The following ZNF544 variants were observed in gnomAD, a reference collection of about 807,000 sequenced individuals.
ZNF544 encodes the protein zinc finger protein AF020591.
ZNF544 carries 10 observed loss-of-function variants against 13.5 expected under a neutral mutation model. The ratio of observed to expected loss-of-function variants is 0.74; its 90% CI spans 0.46 to 1.25. The LOEUF (loss-of-function observed/expected upper bound fraction) is 1.25. ZNF544 is among the 50% of genes most tolerant of loss of function. The pLI is 0.00. For synonymous variants in ZNF544, 323 were observed against 300.5 expected, an observed-to-expected ratio of 1.07 and a Z score of -0.77; for missense variants, 896 against 845.6, an observed-to-expected ratio of 1.06 and a Z score of -0.74.
intron 6 of ZNF544, 76 bp downstream of exon 6, chr19:58,246,870 G>A (rs1031575971): frequency 1.1e-5 from 16 of 1,430,368 alleles, no homozygotes; most frequent in Middle Eastern, 2.1e-4. Context: ...GGCCCCAGGG[G>A]CCAAGGAGGG....
At chr19:58,264,384 CAA>C (rs34082011), downstream of ZNF544, among the ~76,000 whole-genome samples, 429 of 91,200 alleles carry the variant, frequency 4.7e-3, 3 homozygotes, top group Admixed American at 6.2e-3. Context: ...AACTTCATCT[CAA>C]AAAAAAAAAA....
chr19:58,272,352 G>A (rs891392095), intron 5 of ZNF544, among the ~76,000 whole-genome samples: 9 of 152,092 alleles, frequency 5.9e-5, no homozygotes, highest in East Asian at 1.9e-4. Context: ...AACTGAGGCC[G>A]TGAGTTTGAG....
intron 5 of ZNF544, among the ~76,000 whole-genome samples, chr19:58,271,063 T>C (rs929167679): frequency 1.3e-5 from 2 of 151,440 alleles, no homozygotes; most frequent in African/African-American, 4.9e-5. Flanking sequence ...AATACAAAGA[T>C]TAGCCCAGCG....
chr19:58,248,161 C>T (rs2045675526), intron 6 of ZNF544, among the ~76,000 whole-genome samples: 1 of 152,102 alleles, frequency 6.6e-6, no homozygotes, highest in South Asian at 2.1e-4. Flanking sequence ...ATGCGCCCCC[C>T]TCAGCCTCCC....
At chr19:58,260,759 C>A in intron 6 of ZNF544, 92 bp from the exon 7 acceptor site, 1 of 1,186,892 alleles carries the variant, frequency 8.4e-7, no homozygotes, top group Non-Finnish European at 1.2e-6. Flanking sequence ...AAACCAGAGA[C>A]ACTTCCATTA....
chr19:58,261,233 T>TG lies in ZNF544; in HGVS notation c.630dup (p.Lys211GlufsTer4). 2 of 1,614,174 alleles carry TG rather than the reference T, an allele frequency of 1.2e-6. No individual in the cohort carries two copies. The highest frequency in any genetic ancestry group is 1.7e-6 in the Non-Finnish European group (2 of 1,180,036). On this transcript the variant is annotated frameshift_variant, in exon 7 of 7. Coordinates refer to ENST00000687789, the MANE Select transcript of ZNF544 (RefSeq NM_014480.4). LOFTEE classifies it low-confidence loss of function (END_TRUNC). Reference sequence around the variant, plus strand: ...TTAATCATGAGAAAAATGGAGCAGATGGGAAGCACTGTGAGAGTCATCAGT... The same window carrying TG: ...TTAATCATGAGAAAAATGGAGCAGATGGGGAAGCACTGTGAGAGTCATCAGT...
intron 5 of ZNF544, among the ~76,000 whole-genome samples, chr19:58,272,206 T>G (rs2050721707): frequency 6.7e-6 from 1 of 149,188 alleles, no homozygotes; most frequent in Non-Finnish European, 1.5e-5. Flanking sequence ...GTCAGACTTG[T>G]CTGTTTGGCC....
In ZNF544 at chr19:58,261,899, T is replaced by C. The variant is rs2049038266; in HGVS notation, c.1293T>C (p.Thr431=). ...TTATTACACATCAGCGAATTCACAC[T>C]GGAGAAAAACCGTATCAGTGTATTG... ...SKLITHQRIH[T]GEKPYQCIEC... Residue 431 remains threonine, a synonymous_variant, in exon 7 of 7, where the codon ACT becomes ACC. Transcript: ENST00000687789. 6.2e-7 allele frequency: 1 copy of C among 1,612,924 alleles called. No individual in the cohort carries two copies. The highest frequency in any genetic ancestry group is 8.5e-7 in the Non-Finnish European group (1 of 1,179,754).
Position 58,262,575 on chromosome 19 carries a change from G to T in ZNF544, c.1969G>T (p.Glu657Ter), listed in dbSNP as rs1432504588. Residue 657 changes from glutamate (E) to a stop codon, truncating the protein, a stop_gained, in exon 7 of 7, where the codon GAG becomes TAG. Coordinates refer to ENST00000687789, the MANE Select transcript of ZNF544 (RefSeq NM_014480.4). LOFTEE classifies it low-confidence loss of function (END_TRUNC). ...GATGCATCAGAGAACTCACACTGGT[G>T]AGAAACCTTTTGAGTGTAGTCAGTG... ...LVMHQRTHTG[E>*]KPFECSQCGK... 6.2e-7 allele frequency: 1 copy of T among 1,614,224 alleles called. No homozygotes were observed. The highest frequency in any genetic ancestry group is 2.2e-5 in the East Asian group (1 of 44,890).
intron 6 of ZNF544, among the ~76,000 whole-genome samples, chr19:58,255,082 GT>G (rs1470329994): frequency 6.6e-6 from 1 of 151,738 alleles, no homozygotes; most frequent in Non-Finnish European, 1.5e-5. Flanking sequence ...TAGAGATGGG[GT>G]TTCACCATGT....
chr19:58,273,607 T>G (rs573380013), intron 5 of ZNF544, among the ~76,000 whole-genome samples: 8 of 151,320 alleles, frequency 5.3e-5, no homozygotes, highest in South Asian at 2.1e-4. Flanking sequence ...GGAGAATCGC[T>G]TGAACCCGGG....
intron 6 of ZNF544, among the ~76,000 whole-genome samples, chr19:58,250,040 T>A (rs2046038237): frequency 6.6e-6 from 1 of 152,230 alleles, no homozygotes; most frequent in Non-Finnish European, 1.5e-5. Flanking sequence ...TTGGGAGCTA[T>A]ATTAATTTCA....
At chr19:58,263,822 C>G (rs926140091), downstream of ZNF544, 1 of 154,338 alleles carries the variant, frequency 6.5e-6, no homozygotes, top group South Asian at 2.0e-4. Flanking sequence ...GGGCCGGGCA[C>G]GGTGCCTCAC....
At chr19:58,267,746 G>A (rs2050113926), downstream of ZNF544, 1 of 151,384 alleles carries the variant, frequency 6.6e-6, no homozygotes, top group Non-Finnish European at 1.5e-5. Flanking sequence ...ACTTCGGGAG[G>A]CCGAGGCAAG....
intron 3 of ZNF544, chr19:58,242,256 T>C (rs2044052233): frequency 1.2e-5 from 12 of 985,306 alleles, no homozygotes; most frequent in Non-Finnish European, 1.4e-5. Flanking sequence ...CACCGCAACA[T>C]CTGCAGGAGA....
At chr19:58,266,894 C>A (rs999994299), downstream of ZNF544, 6 of 152,230 alleles carry the variant, frequency 3.9e-5, no homozygotes, top group Non-Finnish European at 8.8e-5. Context: ...GCCCTCTTCA[C>A]CCTCGAGCAA....
intron 5 of ZNF544, among the ~76,000 whole-genome samples, chr19:58,271,215 G>GAAAA (rs78260094): frequency 5.1e-5 from 6 of 116,946 alleles, no homozygotes; most frequent in Non-Finnish European, 7.3e-5. Context: ...CCGTCTCCAG[G>GAAAA]AAAAAAAAAA....
intron 5 of ZNF544, among the ~76,000 whole-genome samples, chr19:58,275,924 C>T (rs1405394355): frequency 6.6e-6 from 1 of 152,020 alleles, no homozygotes; most frequent in Non-Finnish European, 1.5e-5. Context: ...TGGCGCATTC[C>T]TGTAATCCCA....
chr19:58,242,001 C>G (rs2044001062), intron 3 of ZNF544, among the ~76,000 whole-genome samples: 1 of 151,758 alleles, frequency 6.6e-6, no homozygotes, highest in Non-Finnish European at 1.5e-5. Flanking sequence ...TGTTATGTGT[C>G]TGTTCAGAAG....
Sources: allele counts gnomAD v4.1 joint callset (sites outside exome capture counted in the v4.1 genomes callset), GRCh38; gene constraint gnomAD v4.1.1; transcripts MANE v1.5; gene names NCBI Gene and HGNC (gene_info 2026-07-23, HGNC 2026-07-21).